CHM: variants seen among roughly 807,000 people sequenced by gnomAD.
The protein encoded by CHM is CHM Rab escort protein.
In CHM, 10 loss-of-function variants were observed where a neutral mutation model predicts 49.0. That is an observed-to-expected ratio of 0.20 (90% CI 0.13 to 0.35). CHM has a LOEUF of 0.35. Among genes scored for constraint, CHM ranks in the 10% least tolerant of loss-of-function variants. The probability of loss-of-function intolerance (pLI) is 1.00; values close to 1 mark genes in which losing one functional copy is unlikely to be tolerated. For synonymous variants in CHM, 184 were observed against 167.5 expected, an observed-to-expected ratio of 1.10 and a Z score of -0.76; for missense variants, 455 against 478.4, an observed-to-expected ratio of 0.95 and a Z score of 0.46.
chrX:85,947,730 C>T (rs1309618477), intron 8 of CHM, among the ~76,000 whole-genome samples: 1 of 112,069 alleles, frequency 8.9e-6, no homozygotes, highest in Admixed American at 9.5e-5. Flanking sequence ...TAAATGAAAG[C>T]TATAAGCTAG....
rs191129691 is a variant in CHM at position 85,874,702 on chromosome X, C to T, written c.1610-1490G>A. On this transcript the variant is annotated intron_variant, in intron 13 of 14. Transcript: ENST00000357749. ...TCTCCTAAGGTGCCCCTTTCTGGTG[C>T]TAAGATCTACGAGTCATCTAAGATA... is the stretch of plus-strand genomic sequence containing the variant. Among the ~76,000 whole-genome samples the T allele has an allele frequency of 3.6e-5, 4 of 111,626 alleles. No individual in the cohort carries two copies. In the East Asian group the frequency reaches 1.1e-3, roughly 31 times the overall value.
intron 8 of CHM, among the ~76,000 whole-genome samples, chrX:85,940,956 T>C (rs1929069059): frequency 9.0e-6 from 1 of 111,508 alleles, no homozygotes; most frequent in Admixed American, 9.6e-5. Context: ...ATTTTCTAAT[T>C]CTCTAATTGG....
intron 8 of CHM, among the ~76,000 whole-genome samples, chrX:85,912,381 G>T (rs1285525442): frequency 9.0e-6 from 1 of 111,134 alleles, no homozygotes; most frequent in African/African-American, 3.3e-5. Flanking sequence ...AACACATGAG[G>T]AAACACATCT....
chrX:85,948,505 A>C (rs1253593501), intron 8 of CHM, among the ~76,000 whole-genome samples: 1 of 112,349 alleles, frequency 8.9e-6, no homozygotes, highest in East Asian at 2.8e-4. Flanking sequence ...CTACCTATTT[A>C]AATTGATAAA....
chrX:85,889,889 G>T (rs890428523), intron 12 of CHM, among the ~76,000 whole-genome samples: 2 of 111,880 alleles, frequency 1.8e-5, no homozygotes, highest in African/African-American at 6.5e-5. Flanking sequence ...AGAAAATCAT[G>T]TCATTTGCAG....
At chrX:85,869,314 T>C (rs1405495525) in intron 14 of CHM, among the ~76,000 whole-genome samples, 2 of 111,512 alleles carry the variant, frequency 1.8e-5, no homozygotes, top group African/African-American at 6.5e-5. Context: ...ATATTAAGTA[T>C]AAATATAATA....
Position 85,958,881 on chromosome X carries a change from G to T in CHM, c.799C>A (p.Arg267=). 2 of 1,210,996 alleles carry T rather than the reference G, an allele frequency of 1.7e-6. No homozygotes were observed. Among genetic ancestry groups the T allele is most frequent in the Non-Finnish European group, 2.2e-6 (2 of 895,228 alleles). The change falls in exon 6 of 15, where the codon CGA becomes AGA. Residue 267 remains arginine (R), a synonymous_variant. Transcript: ENST00000357749. ...FKNITRILAF[R]EGRVEQVPCS... is the part of the protein sequence containing the mutation. ...AGTACCTGTTCCACTCGTCCTTCTCGAAATGCAAGAATCCTGGTAATATTT... is the reference window on the plus strand; with the variant it reads ...AGTACCTGTTCCACTCGTCCTTCTCTAAATGCAAGAATCCTGGTAATATTT...
intron 8 of CHM, among the ~76,000 whole-genome samples, chrX:85,933,565 G>A (rs964324672): frequency 1.8e-4 from 20 of 111,921 alleles, no homozygotes; most frequent in African/African-American, 6.2e-4. Context: ...CACAAAGTTA[G>A]GATCAAAGCT....
intron 1 of CHM, among the ~76,000 whole-genome samples, chrX:86,042,736 T>C (rs1934517068): frequency 9.1e-6 from 1 of 110,095 alleles, no homozygotes; most frequent in African/African-American, 3.3e-5. Flanking sequence ...GGTGGGAGGA[T>C]TGCTTGGGCC....
chrX:85,968,620 C>A (rs1011909295), intron 4 of CHM, among the ~76,000 whole-genome samples: 1 of 111,532 alleles, frequency 9.0e-6, no homozygotes, highest in African/African-American at 3.3e-5. Context: ...CTGCTGGGGG[C>A]CCTTGTTGAA....
At chrX:85,969,092 G>A (rs1930736056) in intron 4 of CHM, 17 of 676,429 alleles carry the variant, frequency 2.5e-5, no homozygotes, top group Non-Finnish European at 2.8e-5. Context: ...TAGAATTTTA[G>A]ATTCCTATTG....
At chrX:85,964,379 A>C (rs914630711) in intron 4 of CHM, among the ~76,000 whole-genome samples, 1 of 110,266 alleles carries the variant, frequency 9.1e-6, no homozygotes, top group Non-Finnish European at 1.9e-5. Flanking sequence ...ATACTTATGT[A>C]TCCTCTCTGA....
At chrX:86,024,683 G>A (rs1305181107) in intron 2 of CHM, among the ~76,000 whole-genome samples, 1 of 111,822 alleles carries the variant, frequency 8.9e-6, no homozygotes, top group Non-Finnish European at 1.9e-5. Flanking sequence ...TAAAGTTAGG[G>A]GATATAAGTG....
chrX:85,924,036 C>T (rs1240873791), intron 8 of CHM, among the ~76,000 whole-genome samples: 1 of 111,677 alleles, frequency 9.0e-6, no homozygotes, highest in African/African-American at 3.3e-5. Flanking sequence ...GGGGCCTAAT[C>T]ATGCAAGGCT....
intron 13 of CHM, among the ~76,000 whole-genome samples, chrX:85,878,737 T>A (rs1195580561): frequency 9.0e-6 from 1 of 111,529 alleles, no homozygotes; most frequent in Non-Finnish European, 1.9e-5. Context: ...TGCTTAATTA[T>A]GTTTTTTTGG....
intron 8 of CHM, among the ~76,000 whole-genome samples, chrX:85,934,163 G>C (rs1443024934): frequency 9.3e-6 from 1 of 107,511 alleles, no homozygotes; most frequent in Non-Finnish European, 1.9e-5. Context: ...TGTATTTTTA[G>C]TAGAGACAGG....
chrX:85,940,165 A>T (rs1475536019), intron 8 of CHM, among the ~76,000 whole-genome samples: 3 of 111,183 alleles, frequency 2.7e-5, no homozygotes, highest in Non-Finnish European at 5.7e-5. Context: ...CACACTTTTA[A>T]ACACTGTTGT....
intron 1 of CHM, 90 bp downstream of exon 1, chrX:86,047,394 A>G: frequency 3.6e-6 from 3 of 841,860 alleles, no homozygotes; most frequent in Non-Finnish European, 5.3e-6. Flanking sequence ...TCGACCCACG[A>G]TGTTTGTCCC....
chrX:85,900,139 A>C (rs766310400), intron 11 of CHM, among the ~76,000 whole-genome samples: 17 of 111,934 alleles, frequency 1.5e-4, no homozygotes, highest in Non-Finnish European at 2.8e-4. Flanking sequence ...GTTTTTTAAA[A>C]ATGGGGTGTG....
Sources: allele counts gnomAD v4.1 joint callset (sites outside exome capture counted in the v4.1 genomes callset), GRCh38; gene constraint gnomAD v4.1.1; transcripts MANE v1.5; gene names NCBI Gene and HGNC (gene_info 2026-07-23, HGNC 2026-07-21).